TMIGD3: variants seen among roughly 807,000 people sequenced by gnomAD.
The protein encoded by TMIGD3 is transmembrane and immunoglobulin domain containing 3.
In TMIGD3, 21 loss-of-function variants were observed where a neutral mutation model predicts 28.1. The ratio of observed to expected loss-of-function variants is 0.75; its 90% CI spans 0.53 to 1.08. The LOEUF (loss-of-function observed/expected upper bound fraction) is 1.08, where lower values mean the gene tolerates loss of function less well. TMIGD3 is among the 50% of genes least tolerant of loss of function. The pLI is 0.00. For synonymous variants in TMIGD3, 151 were observed against 162.1 expected (o/e 0.93, Z 0.52); for missense variants, 416 against 435.6 (o/e 0.96, Z 0.40).
chr1:111,491,077 G>C lies in TMIGD3; in HGVS notation c.351-315C>G, dbSNP rs1159040364. ...CCCTGTCCTGCTGCCAATGGTCCTG[G>C]CATCATCAGAGGCCACTCCTTTTGT... is the stretch of plus-strand genomic sequence containing the variant. On this transcript the variant is annotated intron_variant, in intron 1 of 5. Coordinates refer to ENST00000369716, the MANE Select transcript of TMIGD3 (RefSeq NM_020683.7). 2.0e-5 allele frequency among the ~76,000 whole-genome samples: 3 copies of C among 152,240 alleles called. No individual in the cohort carries two copies. The East Asian group carries it at 5.8e-4, about 29-fold the overall frequency.
chr1:111,510,720 A>G (rs985213420), intron 1 of TMIGD3, among the ~76,000 whole-genome samples: 3 of 152,040 alleles, frequency 2.0e-5, no homozygotes, highest in African/African-American at 7.2e-5. Context: ...AGGTATAAGA[A>G]ATGACTCCAT....
intron 1 of TMIGD3, among the ~76,000 whole-genome samples, chr1:111,518,795 T>C (rs959334734): frequency 6.6e-6 from 1 of 152,218 alleles, no homozygotes. Context: ...CCTATGCCAA[T>C]ATGGTTCAAA....
intron 1 of TMIGD3, among the ~76,000 whole-genome samples, chr1:111,545,691 A>G (rs1010463265): frequency 5.3e-5 from 8 of 152,066 alleles, no homozygotes; most frequent in Non-Finnish European, 7.4e-5. Flanking sequence ...TTAAGAAACC[A>G]TTACCTAATC....
chr1:111,543,337 A>G (rs1656913156), intron 1 of TMIGD3, among the ~76,000 whole-genome samples: 1 of 152,142 alleles, frequency 6.6e-6, no homozygotes, highest in Non-Finnish European at 1.5e-5. Context: ...AGAGCAACTG[A>G]CAAATTTTAT....
At chr1:111,488,262 G>A (rs367649028) in intron 3 of TMIGD3, among the ~76,000 whole-genome samples, 2 of 146,958 alleles carry the variant, frequency 1.4e-5, no homozygotes, top group Admixed American at 6.8e-5. Flanking sequence ...TCACTCTATC[G>A]CCCAGGCAGG....
At position 111,485,854 on chromosome 1, in the gene TMIGD3, C is replaced by T; in HGVS notation, c.873-14G>A. 6.3e-7 allele frequency: 1 copy of T among 1,588,736 alleles called. No individual in the cohort carries two copies. Among genetic ancestry groups the T allele is most frequent in the East Asian group, 2.2e-5 (1 of 44,544 alleles). On this transcript the variant is annotated splice_polypyrimidine_tract_variant and intron_variant, in intron 4 of 5. Coordinates refer to ENST00000369716, the MANE Select transcript of TMIGD3 (RefSeq NM_020683.7). ...AGAATGGACGTCCTAGAAGGAACCA[C>T]AGCAGATTTCATGTTGCTTGGAAGA...
chr1:111,516,628 G>A (rs1185393475), intron 1 of TMIGD3, among the ~76,000 whole-genome samples: 2 of 152,170 alleles, frequency 1.3e-5, no homozygotes, highest in East Asian at 1.9e-4. Flanking sequence ...GGTGAGTGGG[G>A]CCCAGGGTTT....
At chr1:111,496,375 C>T (rs1286143224) in intron 1 of TMIGD3, among the ~76,000 whole-genome samples, 2 of 152,156 alleles carry the variant, frequency 1.3e-5, no homozygotes, top group Non-Finnish European at 2.9e-5. Context: ...CAAGGCACAC[C>T]TAAAGCCTTT....
chr1:111,488,826 A>G lies in TMIGD3; in HGVS notation c.656T>C (p.Ile219Thr), dbSNP rs752003392. ...TTTGGTCAGGCAGGACATAGTGACA[A>G]TGAGCTGGTTCCCTGTGTCCCTCAG... ...VALRDTGNQL[I>T]VTMSCLTKED... Residue 219 changes from isoleucine (I) to threonine (T), a missense_variant, in exon 3 of 6, where the codon ATT becomes ACT. Coordinates refer to ENST00000369716, the MANE Select transcript of TMIGD3 (RefSeq NM_020683.7). 1 of 1,614,198 alleles carries G rather than the reference A, an allele frequency of 6.2e-7. No individual in the cohort carries two copies. Among genetic ancestry groups the G allele is most frequent in the Non-Finnish European group, 8.5e-7 (1 of 1,180,032 alleles).
chr1:111,506,962 TATACACAC>T (rs1183359274), upstream of TMIGD3, among the ~76,000 whole-genome samples: 3 of 146,750 alleles, frequency 2.0e-5, no homozygotes, highest in Non-Finnish European at 4.5e-5. Context: ...CACATATATA[TATACACAC>T]ACACACATAT....
rs371299718 is a variant in TMIGD3 at position 111,499,939 on chromosome 1, C to T, written c.350+3066G>A. ...GAAGGTCAATGAGACAGAGTCATCT[C>T]TGATGGATAACTACTCAGAATTCTT... On this transcript the variant is annotated intron_variant, in intron 1 of 5. Coordinates refer to ENST00000369716, the MANE Select transcript of TMIGD3 (RefSeq NM_020683.7). 9.9e-6 allele frequency: 16 copies of T among 1,612,346 alleles called. No individual in the cohort carries two copies. In the African/African-American group the frequency reaches 2.0e-4, roughly 20 times the overall value.
intron 1 of TMIGD3, among the ~76,000 whole-genome samples, chr1:111,560,733 G>C (rs1312999869): frequency 1.3e-5 from 2 of 152,086 alleles, no homozygotes; most frequent in African/African-American, 4.8e-5. Context: ...TTCAAGTAAT[G>C]CTCCAGCCGC....
Position 111,546,442 on chromosome 1 carries a change from T to G in TMIGD3, c.107+17404A>C, listed in dbSNP as rs201398621. Among the ~76,000 whole-genome samples, 14 of 152,246 alleles carry G rather than the reference T, an allele frequency of 9.2e-5. No homozygotes were observed. The East Asian group carries it at 2.5e-3, about 27-fold the overall frequency. On this transcript the variant is annotated intron_variant, in intron 1 of 5. Transcript: ENST00000369717. ...CCCCATTCCTTCCTCTCCCAGCCTT[T>G]GGGAAGCATCGTTCTTCTCCTTTCT...
chr1:111,510,750 G>C (rs1159124227), intron 1 of TMIGD3, among the ~76,000 whole-genome samples: 2 of 152,112 alleles, frequency 1.3e-5, no homozygotes, highest in East Asian at 3.9e-4. Context: ...ATTAGAAGGA[G>C]TACGCGTTTA....
intron 1 of TMIGD3, among the ~76,000 whole-genome samples, chr1:111,543,621 GAGGAAT>G (rs1414930450): frequency 4.6e-3 from 6 of 1,296 alleles, no homozygotes; most frequent in South Asian, 0.1. Flanking sequence ...GGAAGAGAAG[GAGGAAT>G]AGGAGGAGGA....
chr1:111,553,697 C>A (rs901061949), intron 1 of TMIGD3, among the ~76,000 whole-genome samples: 1 of 152,186 alleles, frequency 6.6e-6, no homozygotes. Flanking sequence ...TATTTTCACA[C>A]GTATACTGTG....
At chr1:111,522,081 T>G (rs1408878946) in intron 1 of TMIGD3, among the ~76,000 whole-genome samples, 1 of 152,222 alleles carries the variant, frequency 6.6e-6, no homozygotes, top group Non-Finnish European at 1.5e-5. Context: ...TATGGGTTTA[T>G]TTCCATTTTT....
exon 1 of TMIGD3, chr1:111,563,873 G>A (rs369653049): frequency 3.0e-5 from 48 of 1,613,316 alleles, no homozygotes; most frequent in Middle Eastern, 1.6e-4. Context: ...GCAGCCCAGT[G>A]TCCAGTCTGG....
At chr1:111,500,653 G>C (rs1398830660) in intron 1 of TMIGD3, 6 of 1,165,696 alleles carry the variant, frequency 5.1e-6, no homozygotes, top group Non-Finnish European at 6.2e-6. Flanking sequence ...GTGAGATAAG[G>C]CATATACTCT....
Sources: allele counts gnomAD v4.1 joint callset (sites outside exome capture counted in the v4.1 genomes callset), GRCh38; gene constraint gnomAD v4.1.1; transcripts MANE v1.5; gene names NCBI Gene and HGNC (gene_info 2026-07-23, HGNC 2026-07-21).